Variants in TASOR2 observed in about 807,000 individuals in gnomAD.
The protein encoded by TASOR2 is protein TASOR 2.
TASOR2 carries 84 observed loss-of-function variants against 199.5 expected under a neutral mutation model. That is an observed-to-expected ratio of 0.42 (90% CI 0.35 to 0.50). The LOEUF is 0.50. TASOR2 is among the 20% of genes least tolerant of loss of function. The pLI is 0.02. For synonymous variants in TASOR2, 1,103 were observed against 1,046.6 expected, an observed-to-expected ratio of 1.05 and a Z score of -1.04; for missense variants, 2,796 against 2,835.9, an observed-to-expected ratio of 0.99 and a Z score of 0.32.
In TASOR2 at chr10:5,730,640, A is replaced by G. The variant is rs1245471333; in HGVS notation, c.641A>G (p.Tyr214Cys). 2 of 1,614,240 alleles carry G rather than the reference A, an allele frequency of 1.2e-6. No homozygotes were observed. The highest frequency in any genetic ancestry group is 1.7e-6 in the Non-Finnish European group (2 of 1,180,038). The change falls in exon 11 of 21, where the codon TAC becomes TGC. Residue 214 changes from tyrosine to cysteine, a missense_variant. Coordinates refer to ENST00000328090, the Ensembl canonical transcript of TASOR2. The surrounding 1 kb of genome is among the most constrained non-coding windows in gnomAD (Gnocchi z 4.1). Reference sequence around the variant, plus strand: ...GTAAAGCGTCATTTCCAAGAATTGTACAAGGCGGACAGAAGCCCTTCATTG... The same window carrying G: ...GTAAAGCGTCATTTCCAAGAATTGTGCAAGGCGGACAGAAGCCCTTCATTG...
intron 18 of TASOR2, among the ~76,000 whole-genome samples, chr10:5,759,719 TC>T (rs1302660968): frequency 1.3e-5 from 2 of 152,236 alleles, no homozygotes; most frequent in Non-Finnish European, 2.9e-5. Context: ...TGGGTTTCAA[TC>T]CCAGAAAGAC....
At chr10:5,733,231 G>C (rs922958830) in intron 11 of TASOR2, among the ~76,000 whole-genome samples, 2 of 152,138 alleles carry the variant, frequency 1.3e-5, no homozygotes, top group Admixed American at 6.5e-5. Flanking sequence ...TTCTGGGCTG[G>C]GTGTGGTGGC....
At chr10:5,761,366 T>C (rs751188235) in exon 19 of TASOR2, 5 of 1,613,930 alleles carry the variant, frequency 3.1e-6, no homozygotes, top group Middle Eastern at 1.6e-4. Flanking sequence ...ATTGCTTCAT[T>C]ATCACCAGTG....
chr10:5,733,600 C>T (rs189353300), intron 11 of TASOR2, among the ~76,000 whole-genome samples: 21 of 152,342 alleles, frequency 1.4e-4, no homozygotes, highest in African/African-American at 5.1e-4. Flanking sequence ...TTGAATGTTA[C>T]ATGTAAACAA....
At chr10:5,734,447 T>C (rs1351356348) in intron 11 of TASOR2, among the ~76,000 whole-genome samples, 1 of 152,200 alleles carries the variant, frequency 6.6e-6, no homozygotes, top group Non-Finnish European at 1.5e-5. Flanking sequence ...AGGTGCACAC[T>C]TTCCTCAGGC....
Position 5,738,599 on chromosome 10 carries a change from C to T in TASOR2, c.1448-1019C>T, listed in dbSNP as rs1406853411. ...AACCCTTTCCCCATGTATGTGCATG[C>T]CCTTGTCGTTCTAATTGATGACATC... On this transcript the variant is annotated intron_variant, in intron 12 of 20. Coordinates refer to ENST00000328090, the Ensembl canonical transcript of TASOR2. This position sits in a 1 kb window ranked among gnomAD's most constrained non-coding sequence, Gnocchi z 4.7. 6.6e-6 allele frequency among the ~76,000 whole-genome samples: 1 copy of T among 152,142 alleles called. No homozygotes were observed. Among genetic ancestry groups the T allele is most frequent in the Non-Finnish European group, 1.5e-5 (1 of 68,040 alleles).
chr10:5,720,265 A>C lies in TASOR2; in HGVS notation c.-99-279A>C. 2 of 985,364 alleles carry C rather than the reference A, an allele frequency of 2.0e-6. No homozygotes were observed. The highest frequency in any genetic ancestry group is 1.2e-6 in the Non-Finnish European group (1 of 829,880). The allele number at this position is 985,364 out of a possible 1,614,324, so 61.0% of individuals were successfully genotyped here. ...TTTTAATATTTTCATTCTAGGGAAA[A>C]GTCAAGTTTGTGTCTGAGAATTATA... On this transcript the variant is annotated intron_variant, in intron 3 of 20. Coordinates refer to ENST00000328090, the Ensembl canonical transcript of TASOR2. The surrounding 1 kb of genome is among the most constrained non-coding windows in gnomAD (Gnocchi z 5.3).
rs201281043 is a variant in TASOR2, at chr10:5,721,975, AAAG to A, written c.146+1006_146+1008del. 6.0e-3 allele frequency among the ~76,000 whole-genome samples: 918 copies of A among 152,370 alleles called. 15 individuals carry two copies. Among genetic ancestry groups the A allele is most frequent in the African/African-American group, 0.021 (878 of 41,596 alleles). On this transcript the variant is annotated intron_variant, in intron 6 of 20. Coordinates refer to ENST00000328090, the Ensembl canonical transcript of TASOR2. ...AAAGACTGAAAAACTGTTCCAGATTAAAGGAGACTAAAGAGACGTGATTACTGA... is the reference window on the plus strand; with the variant it reads ...AAAGACTGAAAAACTGTTCCAGATTAGAGACTAAAGAGACGTGATTACTGA...
At chr10:5,755,573 CA>C (rs1027097071) in intron 15 of TASOR2, among the ~76,000 whole-genome samples, 5 of 142,948 alleles carry the variant, frequency 3.5e-5, no homozygotes, top group African/African-American at 5.2e-5. Flanking sequence ...GACAACATCT[CA>C]AAAAAAAAAG....
intron 18 of TASOR2, among the ~76,000 whole-genome samples, chr10:5,760,116 C>G (rs923751001): frequency 6.6e-6 from 1 of 152,180 alleles, no homozygotes; most frequent in Non-Finnish European, 1.5e-5. Flanking sequence ...TGTACTTACA[C>G]AAACTGATAT....
chr10:5,688,747 G>A lies in TASOR2; in HGVS notation c.-288+3572G>A, dbSNP rs539517454. Among the ~76,000 whole-genome samples, 7 of 152,002 alleles carry A rather than the reference G, an allele frequency of 4.6e-5. No homozygotes were observed. The South Asian group carries it at 1.2e-3, about 27-fold the overall frequency. ...ATTGGTTGGGTGCGTGGGCTCATGC[G>A]TGTGATGCTAGCACTTTGGGAAGTT... On this transcript the variant is annotated intron_variant, in intron 1 of 20. Coordinates refer to ENST00000328090, the Ensembl canonical transcript of TASOR2.
chr10:5,723,758 G>T (rs1438399208), exon 7 of TASOR2: 1 of 1,602,582 alleles, frequency 6.2e-7, no homozygotes, highest in South Asian at 1.1e-5. Flanking sequence ...TCAGAAAACA[G>T]AATTACTTGG....
Position 5,740,784 on chromosome 10 carries a change from T to G in TASOR2, c.2327+287T>G, listed in dbSNP as rs1164986239. ...CGTAAGCCCTTGTGGCTTTTGAATT[T>G]CAATTTTTAGATGAGATCTTAATGT... On this transcript the variant is annotated intron_variant, in intron 13 of 20. Transcript: ENST00000328090. This position sits in a 1 kb window ranked among gnomAD's most constrained non-coding sequence, Gnocchi z 5.3. Among the ~76,000 whole-genome samples, 1 of 152,240 alleles carries G rather than the reference T, an allele frequency of 6.6e-6. No homozygotes were observed. Among genetic ancestry groups the G allele is most frequent in the Non-Finnish European group, 1.5e-5 (1 of 68,042 alleles).
rs535715477 is a variant in TASOR2, at chr10:5,689,321, G to C, written c.-288+4146G>C. Among the ~76,000 whole-genome samples, 77 of 152,240 alleles carry C rather than the reference G, an allele frequency of 5.1e-4. No homozygotes were observed. The highest frequency in any genetic ancestry group is 4.6e-3 in the Admixed American group (71 of 15,286). The stretch of plus-strand genomic sequence containing the variant: ...CTTTGCTGTTAACTTGTATGTATTG[G>C]CCGGGTGCGGTGGCTCACGCCTGTA... On this transcript the variant is annotated intron_variant, in intron 1 of 20. Transcript: ENST00000328090. This position sits in a 1 kb window ranked among gnomAD's most constrained non-coding sequence, Gnocchi z 4.1.
At chr10:5,693,526 T>G (rs1836752849) in intron 1 of TASOR2, among the ~76,000 whole-genome samples, 1 of 152,218 alleles carries the variant, frequency 6.6e-6, no homozygotes, top group Non-Finnish European at 1.5e-5. Context: ...GGGTCTCTGT[T>G]TTGACTTACG....
intron 12 of TASOR2, among the ~76,000 whole-genome samples, chr10:5,736,419 GAA>G (rs56194741): frequency 3.2e-4 from 46 of 145,138 alleles, no homozygotes; most frequent in Admixed American, 4.1e-4. Flanking sequence ...CTCCGTCTCA[GAA>G]AAAAAAAAAA....
In TASOR2 at chr10:5,761,648, GTAAC is replaced by G. The variant is rs1839853319; in HGVS notation, c.7174+180_7174+183del. 3.7e-5 allele frequency: 22 copies of G among 598,650 alleles called. No individual in the cohort carries two copies. In the East Asian group the frequency reaches 6.1e-4, roughly 17 times the overall value. The allele number at this position is 598,650 out of a possible 1,614,324, so 37.1% of individuals were successfully genotyped here. A position where few individuals can be genotyped will look rare whatever the true frequency, so the allele number is the denominator to read the frequency against. On this transcript the variant is annotated intron_variant, in intron 19 of 20. Transcript: ENST00000328090. ...CTTATATAAAATGTAGTATTTGCAG[GTAAC>G]TACACAATCCTCCTATGTATGTAAG...
Position 5,687,125 on chromosome 10 carries a change from G to A in TASOR2, c.-288+1950G>A, listed in dbSNP as rs559202964. Among the ~76,000 whole-genome samples the A allele has an allele frequency of 2.6e-5, 4 of 152,128 alleles. No homozygotes were observed. The East Asian group carries it at 7.7e-4, about 29-fold the overall frequency. On this transcript the variant is annotated intron_variant, in intron 1 of 20. Coordinates refer to ENST00000328090, the Ensembl canonical transcript of TASOR2. The surrounding 1 kb of genome is among the most constrained non-coding windows in gnomAD (Gnocchi z 4.8). ...TATGTCATTAATATGTACTGACAAA[G>A]CGTATCTGTGTAATAAATATGCTTT...
chr10:5,728,552 T>C lies in TASOR2; in HGVS notation c.487+1429T>C, dbSNP rs941242319. ...TCAGGAGGCTGAGGCAGGGGAATCA[T>C]TGGAACCCGGGAGGCAGAGATTACA... is the stretch of plus-strand genomic sequence containing the variant. On this transcript the variant is annotated intron_variant, in intron 10 of 20. Coordinates refer to ENST00000328090, the Ensembl canonical transcript of TASOR2. Among the ~76,000 whole-genome samples the C allele has an allele frequency of 2.6e-5, 4 of 151,770 alleles. No individual in the cohort carries two copies. The East Asian group carries it at 5.8e-4, about 22-fold the overall frequency.
Sources: allele counts gnomAD v4.1 joint callset (sites outside exome capture counted in the v4.1 genomes callset), GRCh38; gene constraint gnomAD v4.1.1; non-coding constraint Gnocchi (gnomAD v3.1); transcripts MANE v1.5; gene names NCBI Gene and HGNC (gene_info 2026-07-23, HGNC 2026-07-21).